The following TMEM131 variants were observed in gnomAD, a reference collection of about 807,000 sequenced individuals.
TMEM131 encodes 2610524E03Rik.
Under a neutral mutation model 211.6 loss-of-function variants are expected in TMEM131, and 66 were observed. The observed-to-expected ratio is 0.31, with a 90% CI of 0.26 to 0.38. The LOEUF (loss-of-function observed/expected upper bound fraction) is 0.38. Among genes scored for constraint, TMEM131 ranks in the 10% least tolerant of loss-of-function variants. The probability of loss-of-function intolerance (pLI) is 1.00; values close to 1 mark genes in which losing one functional copy is unlikely to be tolerated. For synonymous variants in TMEM131, 844 were observed against 841.3 expected, an observed-to-expected ratio of 1.00 and a Z score of -0.06; for missense variants, 2,036 against 2,299.3, an observed-to-expected ratio of 0.89 and a Z score of 2.34.
chr2:97,864,468 G>C (rs1257930771), intron 4 of TMEM131, among the ~76,000 whole-genome samples: 1 of 151,978 alleles, frequency 6.6e-6, no homozygotes, highest in Non-Finnish European at 1.5e-5. Flanking sequence ...TTGCATACCT[G>C]TATCAAAATA....
chr2:97,876,585 A>T (rs531688271), intron 4 of TMEM131, among the ~76,000 whole-genome samples: 1 of 152,324 alleles, frequency 6.6e-6, no homozygotes, highest in Admixed American at 6.5e-5. Flanking sequence ...ACATAAACAG[A>T]ACCAATGACA....
chr2:97,864,930 T>C (rs1674213522), intron 4 of TMEM131, among the ~76,000 whole-genome samples: 1 of 152,224 alleles, frequency 6.6e-6, no homozygotes. Context: ...GCCCTTGAAA[T>C]GCTCTCCTCT....
intron 1 of TMEM131, among the ~76,000 whole-genome samples, chr2:97,988,121 T>C (rs1680107961): frequency 6.6e-6 from 1 of 152,154 alleles, no homozygotes; most frequent in Non-Finnish European, 1.5e-5. Flanking sequence ...CACAGAGCAG[T>C]TAAACAGAAT....
chr2:97,764,175 C>A (rs1392936331), intron 35 of TMEM131: 1 of 152,322 alleles, frequency 6.6e-6, no homozygotes, highest in Non-Finnish European at 1.5e-5. Flanking sequence ...CCAGCGGCTA[C>A]TGCCACATGC....
chr2:97,823,887 G>T (rs1356508584), intron 11 of TMEM131, among the ~76,000 whole-genome samples: 2 of 152,158 alleles, frequency 1.3e-5, no homozygotes, highest in Admixed American at 1.3e-4. Flanking sequence ...GATAACAGGA[G>T]GAAGGTCCAA....
intron 4 of TMEM131, among the ~76,000 whole-genome samples, chr2:97,883,521 G>A (rs1390611530): frequency 3.3e-5 from 5 of 152,124 alleles, no homozygotes; most frequent in Admixed American, 6.5e-5. Flanking sequence ...GTCATAGACT[G>A]ATTCTTTTAT....
intron 4 of TMEM131, among the ~76,000 whole-genome samples, chr2:97,872,941 C>T (rs1441548670): frequency 6.6e-6 from 1 of 152,206 alleles, no homozygotes; most frequent in Non-Finnish European, 1.5e-5. Flanking sequence ...ACCCAAGTGG[C>T]CTGGCTCAGT....
intron 1 of TMEM131, among the ~76,000 whole-genome samples, chr2:97,965,230 C>T (rs77363435): frequency 3.9e-5 from 6 of 152,254 alleles, no homozygotes; most frequent in Admixed American, 2.0e-4. Flanking sequence ...TCACAGAAAC[C>T]GCCACTGCTA....
At chr2:97,873,585 C>T (rs541089372) in intron 4 of TMEM131, among the ~76,000 whole-genome samples, 3 of 152,350 alleles carry the variant, frequency 2.0e-5, no homozygotes, top group African/African-American at 4.8e-5. Context: ...CTGCAGCCTC[C>T]GCTGCTGATA....
chr2:97,790,069 C>T (rs1559359916), intron 31 of TMEM131, among the ~76,000 whole-genome samples: 1 of 151,866 alleles, frequency 6.6e-6, no homozygotes, highest in African/African-American at 2.4e-5. Context: ...TATGAGATAC[C>T]AGGGGGAGAA....
chr2:97,826,886 T>C (rs2105031683), intron 11 of TMEM131, among the ~76,000 whole-genome samples: 1 of 152,184 alleles, frequency 6.6e-6, no homozygotes, highest in Middle Eastern at 3.4e-3. Context: ...TGACAACCAG[T>C]AGCCTTCCTA....
chr2:97,877,137 CAACT>C (rs1674730378), intron 4 of TMEM131, among the ~76,000 whole-genome samples: 2 of 152,096 alleles, frequency 1.3e-5, no homozygotes, highest in Admixed American at 6.6e-5. Context: ...CCTAGGAATC[CAACT>C]AACAAGGGAT....
At chr2:97,811,923 GCTCT>G (rs548432038) in intron 17 of TMEM131, among the ~76,000 whole-genome samples, 2 of 152,082 alleles carry the variant, frequency 1.3e-5, no homozygotes, top group Non-Finnish European at 2.9e-5. Flanking sequence ...CTTGTTTAGC[GCTCT>G]CTGACAACCA....
At chr2:97,802,048 T>G in intron 24 of TMEM131, 87 bp from the exon 25 acceptor site, 1 of 862,278 alleles carries the variant, frequency 1.2e-6, no homozygotes, top group Non-Finnish European at 1.8e-6. Context: ...TGTGCTTTAT[T>G]TTCAAATTAT....
At chr2:97,827,295 G>C (rs1682445977) in intron 11 of TMEM131, 2 of 784,756 alleles carry the variant, frequency 2.5e-6, no homozygotes, top group Admixed American at 3.4e-5. Context: ...CCAAGGAAGA[G>C]CCCAAGAGGA....
intron 4 of TMEM131, among the ~76,000 whole-genome samples, chr2:97,872,706 A>G (rs1026886020): frequency 6.6e-6 from 1 of 152,188 alleles, no homozygotes; most frequent in Non-Finnish European, 1.5e-5. Context: ...GAACTCTGGC[A>G]CAGATACTGC....
intron 1 of TMEM131, among the ~76,000 whole-genome samples, chr2:97,938,330 GA>G (rs1366105540): frequency 2.6e-5 from 4 of 152,068 alleles, no homozygotes; most frequent in African/African-American, 7.2e-5. Context: ...AGGGGTGGAG[GA>G]AAATCTGCCA....
chr2:97,936,144 G>A (rs1677434761), intron 1 of TMEM131, among the ~76,000 whole-genome samples: 1 of 152,196 alleles, frequency 6.6e-6, no homozygotes. Flanking sequence ...CCTGGTAACA[G>A]TTGTCAAAAA....
At chr2:97,976,286 A>G (rs890835572) in intron 1 of TMEM131, among the ~76,000 whole-genome samples, 2 of 152,220 alleles carry the variant, frequency 1.3e-5, no homozygotes, top group East Asian at 1.9e-4. Flanking sequence ...AAAAAGTCCA[A>G]TGCAATCTAC....
Sources: gnomAD v4.1 joint callset for allele counts (sites outside exome capture counted in the v4.1 genomes callset) on GRCh38, gnomAD v4.1.1 for gene constraint, MANE v1.5 for transcripts, NCBI Gene and HGNC (gene_info 2026-07-23, HGNC 2026-07-21) for gene names.